The following HEG1 variants were observed in gnomAD, a reference collection of about 807,000 sequenced individuals.
HEG1 encodes the protein heart development protein with EGF like domains 1.
Under a neutral mutation model 125.6 loss-of-function variants are expected in HEG1, and 56 were observed. The ratio of observed to expected loss-of-function variants is 0.45; its 90% CI spans 0.36 to 0.56. The LOEUF is 0.56. Among genes scored for constraint, HEG1 ranks in the 20% least tolerant of loss-of-function variants. The pLI is 0.00. For synonymous variants in HEG1, 644 were observed against 668.5 expected, an observed-to-expected ratio of 0.96 and a Z score of 0.57; for missense variants, 1,523 against 1,670.0, an observed-to-expected ratio of 0.91 and a Z score of 1.53.
chr3:124,978,846 A>AAATAAAT (rs1560014819), intron 14 of HEG1, among the ~76,000 whole-genome samples: 5 of 90,532 alleles, frequency 5.5e-5, no homozygotes, highest in African/African-American at 3.9e-5. Flanking sequence ...AATAAATAAA[A>AAATAAAT]AAGTAATGGA....
Position 125,013,697 on chromosome 3 carries a change from G to T in HEG1, c.1882C>A (p.Leu628Met), listed in dbSNP as rs780920184. The T allele has an allele frequency of 1.2e-6, 2 of 1,613,956 alleles. No homozygotes were observed. The highest frequency in any genetic ancestry group is 3.3e-5 in the Admixed American group (2 of 60,024). ...TAGGACGGAAGGTTGGATGTATGCA[G>T]AACTGGCGACTCAGTAGAAGGCTGA... Reference protein sequence around the residue: ...YAQPSTESPVLHTSNLPSYTP... With the variant: ...YAQPSTESPVMHTSNLPSYTP... The change falls in exon 6 of 17, where the codon CTG becomes ATG. Residue 628 changes from leucine to methionine, a missense_variant. By Grantham distance (15) the Leu-to-Met change is conservative. Coordinates refer to ENST00000311127, the MANE Select transcript of HEG1 (RefSeq NM_020733.2).
chr3:124,983,531 C>T (rs564105921), intron 14 of HEG1, among the ~76,000 whole-genome samples: 105 of 149,214 alleles, frequency 7.0e-4, no homozygotes, highest in Middle Eastern at 3.4e-3. Flanking sequence ...GATGAGGTCT[C>T]GCTATGTTGC....
chr3:125,045,791 G>A (rs547967302), intron 1 of HEG1, among the ~76,000 whole-genome samples: 3 of 152,262 alleles, frequency 2.0e-5, no homozygotes, highest in African/African-American at 4.8e-5. Context: ...TTTACAAAGC[G>A]CGTCCATGTG....
At chr3:125,034,713 T>C (rs1180640016) in intron 1 of HEG1, among the ~76,000 whole-genome samples, 1 of 152,046 alleles carries the variant, frequency 6.6e-6, no homozygotes, top group Admixed American at 6.6e-5. Context: ...GGTGGAAGGA[T>C]TGCTTGAGCC....
intron 12 of HEG1, among the ~76,000 whole-genome samples, chr3:124,994,617 T>C (rs894240273): frequency 6.6e-6 from 1 of 152,066 alleles, no homozygotes; most frequent in Non-Finnish European, 1.5e-5. Flanking sequence ...GCGATTCTTC[T>C]GCCTCAGCCT....
intron 12 of HEG1, among the ~76,000 whole-genome samples, chr3:124,995,073 T>C (rs1257196789): frequency 1.3e-5 from 2 of 152,062 alleles, no homozygotes; most frequent in Non-Finnish European, 2.9e-5. Flanking sequence ...CCGAAGTGGG[T>C]GGATTGCTTG....
chr3:125,050,002 T>C (rs1375140050), intron 1 of HEG1, among the ~76,000 whole-genome samples: 1 of 152,186 alleles, frequency 6.6e-6, no homozygotes, highest in Non-Finnish European at 1.5e-5. Context: ...TTGTCTTCAA[T>C]GACTAGTTGA....
intron 5 of HEG1, among the ~76,000 whole-genome samples, chr3:125,018,028 CA>C (rs1298385379): frequency 1.1e-3 from 146 of 135,600 alleles, no homozygotes; most frequent in Middle Eastern, 3.9e-3. Context: ...GACTCCATCT[CA>C]AAAAAAAAAA....
At chr3:125,034,362 A>T (rs116376189) in intron 1 of HEG1, among the ~76,000 whole-genome samples, 1,833 of 152,314 alleles carry the variant, frequency 0.012, 32 homozygotes, top group African/African-American at 0.041. Context: ...ATTAGAAAAA[A>T]TTTTTTTAAA....
chr3:124,985,572 G>C (rs1022647521), intron 14 of HEG1, among the ~76,000 whole-genome samples: 1 of 152,156 alleles, frequency 6.6e-6, no homozygotes, highest in Non-Finnish European at 1.5e-5. Context: ...ATTCCTAAAA[G>C]AATTCTGGGG....
At chr3:124,970,934 T>A (rs1460339081) in intron 16 of HEG1, 133 bp from the exon 17 acceptor site, 6 of 766,480 alleles carry the variant, frequency 7.8e-6, no homozygotes, top group Non-Finnish European at 1.3e-5. Context: ...GTTCTACCAA[T>A]TATTTCTAAT....
chr3:125,002,124 A>C lies in HEG1; in HGVS notation c.3357-112T>G, dbSNP rs1937010361. ...CCAGTGACGGGATGGGAGAGCATGA[A>C]GGTCAGTGACCTTGGCCCTGGATTG... On this transcript the variant is annotated intron_variant, in intron 10 of 16. Coordinates refer to ENST00000311127, the MANE Select transcript of HEG1 (RefSeq NM_020733.2). 3 of 1,515,714 alleles carry C rather than the reference A, an allele frequency of 2.0e-6. No homozygotes were observed. In the African/African-American group the frequency reaches 4.1e-5, roughly 21 times the overall value. The allele number at this position is 1,515,714 out of a possible 1,614,324, so 93.9% of individuals were successfully genotyped here.
In HEG1 at chr3:124,970,708, C is replaced by T. The variant is rs1936409249; in HGVS notation, c.4090G>A (p.Gly1364Arg). The change falls in exon 17 of 17, where the codon GGA becomes AGA. Residue 1364 changes from glycine to arginine, a missense_variant. By Grantham distance (125) the Gly-to-Arg change is moderately radical (BLOSUM62 -2). Coordinates refer to ENST00000311127, the MANE Select transcript of HEG1 (RefSeq NM_020733.2). ...CTGATGAAAGACGGGTTATACTGTCCGGGGAAAATGCAAGAATGCCGTGAT... is the reference window on the plus strand; with the variant it reads ...CTGATGAAAGACGGGTTATACTGTCTGGGGAAAATGCAAGAATGCCGTGAT... ...PGSRHSCIFP[G>R]QYNPSFISDE... 7 of 1,609,078 alleles carry T rather than the reference C, an allele frequency of 4.4e-6. No homozygotes were observed. The highest frequency in any genetic ancestry group is 2.2e-5 in the East Asian group (1 of 44,788).
Position 125,055,810 on chromosome 3 carries a change from G to T in HEG1, c.81C>A (p.Ala27=), listed in dbSNP as rs1937927032. 1.0e-6 allele frequency: 1 copy of T among 981,274 alleles called. No homozygotes were observed. Among genetic ancestry groups the T allele is most frequent in the African/African-American group, 1.8e-5 (1 of 56,798 alleles). 60.8% of individuals were successfully genotyped at this position (981,274 alleles called of 1,614,324 possible). A position where few individuals can be genotyped will look rare whatever the true frequency, so the allele number is the denominator to read the frequency against. The change falls in exon 1 of 17, where the codon GCC becomes GCA. Residue 27 remains alanine, a synonymous_variant. Coordinates refer to ENST00000311127, the MANE Select transcript of HEG1 (RefSeq NM_020733.2). ...LLPLLLLPPA[A]PGTRDPPPSP... ...AAGGCGGCGGGTCCCGCGTCCCGGG[G>T]GCCGCCGGCGGCAGCAGCAGCAGCG... is the stretch of plus-strand genomic sequence containing the variant.
chr3:125,042,228 G>A (rs1254766488), intron 1 of HEG1, among the ~76,000 whole-genome samples: 1 of 152,162 alleles, frequency 6.6e-6, no homozygotes, highest in African/African-American at 2.4e-5. Flanking sequence ...AGGAGTTCGA[G>A]ACCAGCCTGG....
At chr3:125,053,381 A>G (rs1937857663) in intron 1 of HEG1, among the ~76,000 whole-genome samples, 1 of 152,166 alleles carries the variant, frequency 6.6e-6, no homozygotes, top group Admixed American at 6.5e-5. Flanking sequence ...TTACCCCTAA[A>G]TGATACTGTT....
chr3:124,987,096 T>C (rs1208167882), intron 14 of HEG1, among the ~76,000 whole-genome samples: 1 of 152,090 alleles, frequency 6.6e-6, no homozygotes, highest in East Asian at 1.9e-4. Flanking sequence ...TCCTAACACT[T>C]TGGGAGACCA....
At chr3:124,986,898 C>A (rs1936748411) in intron 14 of HEG1, among the ~76,000 whole-genome samples, 1 of 152,188 alleles carries the variant, frequency 6.6e-6, no homozygotes. Flanking sequence ...ATGTATAGTA[C>A]TTAATAATCT....
chr3:125,013,005 G>T lies in HEG1; in HGVS notation c.2574C>A (p.Gly858=), dbSNP rs1441524733. The change falls in exon 6 of 17, where the codon GGC becomes GGA. Residue 858 remains glycine (G), a synonymous_variant. Coordinates refer to ENST00000311127, the MANE Select transcript of HEG1 (RefSeq NM_020733.2). ...CCAGAGATGCTGTGCTTGACAGGGT[G>T]CCAGGAGTGGTCATAAGAGGCTGAG... is the stretch of plus-strand genomic sequence containing the variant. ...KTSQPLMTTP[G]TLSSTASLVT... is the part of the protein sequence containing the mutation. The T allele has an allele frequency of 3.1e-6, 5 of 1,613,958 alleles. No homozygotes were observed. In the East Asian group the frequency reaches 6.7e-5, roughly 22 times the overall value.
Sources: gnomAD v4.1 joint callset for allele counts (sites outside exome capture counted in the v4.1 genomes callset) on GRCh38, gnomAD v4.1.1 for gene constraint, MANE v1.5 for transcripts, NCBI Gene and HGNC (gene_info 2026-07-23, HGNC 2026-07-21) for gene names.